The following VWF variants were observed in gnomAD, a reference collection of about 807,000 sequenced individuals.
VWF encodes Factor VIII related antigen.
Under a neutral mutation model 308.6 loss-of-function variants are expected in VWF, and 176 were observed. That is an observed-to-expected ratio of 0.57 (90% confidence interval 0.50 to 0.65). The LOEUF (loss-of-function observed/expected upper bound fraction) is 0.65, where lower values mean the gene tolerates loss of function less well. VWF is among the 30% of genes least tolerant of loss of function. The pLI is 0.00. For missense variants in VWF, 3,146 were observed against 3,648.2 expected (o/e 0.86, Z 3.55); for synonymous variants, 1,385 against 1,443.4 (o/e 0.96, Z 0.92).
At position 6,046,785 on chromosome 12, in the gene VWF, A is replaced by G. The variant is rs781064814; in HGVS notation, c.2219T>C (p.Met740Thr). 6.2e-7 allele frequency: 1 copy of G among 1,614,150 alleles called. No individual in the cohort carries two copies. The highest frequency in any genetic ancestry group is 2.2e-5 in the East Asian group (1 of 44,888). Residue 740 changes from methionine (M) to threonine (T), a missense_variant, in exon 17 of 52, where the codon ATG (methionine) becomes ACG (threonine). By Grantham distance (81) the Met-to-Thr change is moderately conservative. This residue lies in a region of VWF where 1,304 missense variants were observed against 1,353.0 expected (regional missense o/e 0.96). Transcript: ENST00000261405. The surrounding 1 kb of genome is among the most constrained non-coding windows in gnomAD (Gnocchi z 5.0). ...YCEDGFMHCT[M>T]SGVPGSLLPD... ...CAGCAAGCTTCCGGGGACTCCACTC[A>G]TGGTACAGTGCATGAAGCCATCCTC...
intron 6 of VWF, among the ~76,000 whole-genome samples, chr12:6,091,852 G>A (rs973251511): frequency 3.9e-5 from 6 of 152,218 alleles, no homozygotes; most frequent in African/African-American, 1.2e-4. Flanking sequence ...AGCCAGGCAG[G>A]GCATGAGTCC....
intron 15 of VWF, 149 bp from the exon 16 acceptor site, chr12:6,052,932 A>C (rs1041606088): frequency 3.2e-6 from 4 of 1,252,664 alleles, no homozygotes; most frequent in Non-Finnish European, 4.4e-6. Context: ...TGCAATTACA[A>C]GAAGTAATGC....
chr12:6,015,805 G>A (rs1944049507), intron 31 of VWF, among the ~76,000 whole-genome samples: 1 of 152,164 alleles, frequency 6.6e-6, no homozygotes, highest in African/African-American at 2.4e-5. Context: ...GAAAGAAAGG[G>A]CATAGAGGTA....
intron 5 of VWF, among the ~76,000 whole-genome samples, chr12:6,107,027 T>C (rs940524338): frequency 1.3e-5 from 2 of 152,332 alleles, no homozygotes; most frequent in Admixed American, 1.3e-4. Context: ...CAAAGCATCC[T>C]TCAACTGGTG....
At chr12:6,036,988 G>GA (rs1422733317) in intron 18 of VWF, among the ~76,000 whole-genome samples, 2 of 152,128 alleles carry the variant, frequency 1.3e-5, no homozygotes, top group Non-Finnish European at 2.9e-5. Context: ...ATCCATTGAG[G>GA]AATCACCAGG....
In VWF at chr12:5,995,891, G is replaced by A. The variant is rs1372753435; in HGVS notation, c.6063+111C>T. ...GGTACTCCTCTCCTCCACTTAAGCA[G>A]AAGGCAGAGCTCCTAACAAGAGCAT... On this transcript the variant is annotated intron_variant, in intron 35 of 51. Coordinates refer to ENST00000261405, the MANE Select transcript of VWF (RefSeq NM_000552.5). 5.0e-6 allele frequency: 5 copies of A among 1,001,528 alleles called. No individual in the cohort carries two copies. In the East Asian group the frequency reaches 1.3e-4, roughly 26 times the overall value. The allele number at this position is 1,001,528 out of a possible 1,614,324, so 62.0% of individuals were successfully genotyped here.
chr12:6,077,872 C>T (rs1358556109), intron 6 of VWF, among the ~76,000 whole-genome samples: 1 of 152,154 alleles, frequency 6.6e-6, no homozygotes, highest in East Asian at 1.9e-4. Flanking sequence ...CTTCCACAGC[C>T]CCAGATTCAG....
At chr12:5,968,234 T>C in intron 45 of VWF, 67 bp from the exon 46 acceptor site, 1 of 1,599,000 alleles carries the variant, frequency 6.3e-7, no homozygotes, top group Middle Eastern at 1.7e-4. Context: ...GCGAGCAGGC[T>C]GCTCTCTTTG....
Position 6,057,022 on chromosome 12 carries a change from C to A in VWF, c.1780G>T (p.Ala594Ser). Reference sequence around the variant, plus strand: ...AGCGGGCTGACGGCACGATGGCAGGCCTCGAATGTGGGGGACGTCAGGACC... The same window carrying A: ...AGCGGGCTGACGGCACGATGGCAGGACTCGAATGTGGGGGACGTCAGGACC... ...CAVLTSPTFEACHRAVSPLPY... is the reference protein window; with the variant it reads ...CAVLTSPTFESCHRAVSPLPY... Residue 594 changes from alanine to serine, a missense_variant, in exon 15 of 52, where the codon GCC becomes TCC. By Grantham distance (99) the Ala-to-Ser change is moderately conservative. Around this residue, in one of 3 missense-constraint regions of VWF, gnomAD observed 1,304 missense variants for 1,353.0 expected, o/e 0.96. Transcript: ENST00000261405. 6.4e-7 allele frequency: 1 copy of A among 1,550,408 alleles called. No homozygotes were observed. The highest frequency in any genetic ancestry group is 2.4e-5 in the East Asian group (1 of 42,066).
chr12:6,022,412 TA>T (rs1156952737), intron 26 of VWF, among the ~76,000 whole-genome samples: 6 of 152,088 alleles, frequency 3.9e-5, no homozygotes, highest in Admixed American at 6.5e-5. Context: ...TAAAATTCAA[TA>T]AAATTCAAAA....
intron 34 of VWF, among the ~76,000 whole-genome samples, chr12:6,002,555 A>T (rs1943882245): frequency 6.6e-6 from 1 of 152,114 alleles, no homozygotes; most frequent in Middle Eastern, 3.2e-3. Flanking sequence ...AAATGGATAA[A>T]TTTCTAGGAA....
Position 6,034,818 on chromosome 12 carries a change from T to C in VWF, c.2555A>G (p.Gln852Arg), listed in dbSNP as rs216321. ...GTCTGTGCAGTTCCACTTCCGGTCC[T>C]GACAGACACTAGGAGCAGTCATGGC... ...VKIGCNTCVC[Q>R]DRKWNCTDHV... Residue 852 changes from glutamine to arginine, a missense_variant, in exon 20 of 52, where the codon CAG becomes CGG. Physicochemically the swap from Gln to Arg is conservative, Grantham distance 43 (BLOSUM62 1). This residue lies in a region of VWF where 1,304 missense variants were observed against 1,353.0 expected (regional missense o/e 0.96). Coordinates refer to ENST00000261405, the MANE Select transcript of VWF (RefSeq NM_000552.5). 1,461,858 of 1,614,050 alleles carry C rather than the reference T, an allele frequency of 0.91. 662,737 individuals are homozygous for C. Among genetic ancestry groups the C allele is most frequent in the African/African-American group, 0.95 (71,462 of 75,034 alleles).
chr12:5,996,533 G>GCCA (rs1357973060), intron 34 of VWF, among the ~76,000 whole-genome samples: 1 of 152,030 alleles, frequency 6.6e-6, no homozygotes, highest in African/African-American at 2.4e-5. Context: ...ATTCTACAGG[G>GCCA]ATGCCTTGGC....
At chr12:6,017,129 T>C (rs1944072255) in intron 28 of VWF, among the ~76,000 whole-genome samples, 1 of 152,180 alleles carries the variant, frequency 6.6e-6, no homozygotes, top group South Asian at 2.1e-4. Context: ...GAAGTTTAAA[T>C]GTCTACAAAT....
At chr12:5,973,820 C>T (rs761787038) in intron 43 of VWF, among the ~76,000 whole-genome samples, 12 of 152,156 alleles carry the variant, frequency 7.9e-5, no homozygotes, top group East Asian at 1.9e-4. Flanking sequence ...CAGGAGCCTA[C>T]GGGTGAGGAG....
intron 38 of VWF, 114 bp from the exon 39 acceptor site, chr12:5,985,779 T>C: frequency 1.0e-6 from 1 of 964,082 alleles, no homozygotes; most frequent in Non-Finnish European, 1.6e-6. Flanking sequence ...GACCCAGCCC[T>C]CTGACAGAGC....
intron 6 of VWF, among the ~76,000 whole-genome samples, chr12:6,076,766 G>A (rs1944849199): frequency 6.6e-6 from 1 of 152,234 alleles, no homozygotes; most frequent in Non-Finnish European, 1.5e-5. Flanking sequence ...AGCTTGAATT[G>A]TACCAAGGGT....
intron 40 of VWF, among the ~76,000 whole-genome samples, chr12:5,983,852 TAGATAG>T (rs1272544731): frequency 1.3e-5 from 2 of 148,644 alleles, no homozygotes; most frequent in African/African-American, 2.5e-5. Context: ...ATATATAGCT[TAGATAG>T]AGATAGGATA....
chr12:5,960,109 T>A (rs1943296532), intron 47 of VWF, among the ~76,000 whole-genome samples: 1 of 148,634 alleles, frequency 6.7e-6, no homozygotes, highest in Non-Finnish European at 1.5e-5. Context: ...TTAGTCAAAA[T>A]AAGAAAATCT....
Sources: gnomAD v4.1 joint callset for allele counts (sites outside exome capture counted in the v4.1 genomes callset) on GRCh38, gnomAD v4.1.1 for gene constraint, gnomAD v4.1.1 regional missense constraint, Gnocchi (gnomAD v3.1) non-coding constraint, MANE v1.5 for transcripts, NCBI Gene and HGNC (gene_info 2026-07-23, HGNC 2026-07-21) for gene names.